Variants in MYL3 observed in about 807,000 individuals in gnomAD.
The protein encoded by MYL3 is CMLC1.
A neutral mutation model predicts 21.3 loss-of-function variants in MYL3; 11 were observed. That is an observed-to-expected ratio of 0.52 (90% confidence interval 0.32 to 0.85). MYL3 has a LOEUF of 0.85. MYL3 is among the 40% of genes least tolerant of loss of function. The pLI is 0.03. For missense variants in MYL3, 206 were observed against 253.3 expected (o/e 0.81, Z 1.27); for synonymous variants, 88 against 91.6 (o/e 0.96, Z 0.22).
chr3:46,858,436 C>T lies in MYL3; in HGVS notation c.507G>A (p.Val169=), dbSNP rs1166390418. ...TLGERLTEDE[V]EKLMAGQEDS... ...CCTCTTGCCCAGCCATCAACTTCTC[C>T]ACTTCGTCTTCTGTCAGCCTCTCAC... The change falls in exon 5 of 7, where the codon GTG becomes GTA. Residue 169 remains valine, a synonymous_variant. Coordinates refer to ENST00000292327, the MANE Select transcript of MYL3 (RefSeq NM_000258.3). 29 of 1,613,716 alleles carry T rather than the reference C, an allele frequency of 1.8e-5. No individual in the cohort carries two copies. Among genetic ancestry groups the T allele is most frequent in the African/African-American group, 2.7e-5 (2 of 74,886 alleles).
In MYL3 at chr3:46,879,421, A is replaced by T. The variant is rs191042553; in HGVS notation, c.-218+2653T>A. On this transcript the variant is annotated intron_variant, in intron 1 of 3. Transcript: ENST00000431168. The surrounding 1 kb of genome is among the most constrained non-coding windows in gnomAD (Gnocchi z 4.7). ...AGCAGGGTGGAAGATCAGTGGTCAC[A>T]GAACCATAAAACTTAGAGACACTTA... 6.6e-6 allele frequency among the ~76,000 whole-genome samples: 1 copy of T among 152,364 alleles called. No individual in the cohort carries two copies. Among genetic ancestry groups the T allele is most frequent in the African/African-American group, 2.4e-5 (1 of 41,578 alleles).
At chr3:46,881,631 T>C (rs2030572794) in intron 1 of MYL3, among the ~76,000 whole-genome samples, 1 of 151,300 alleles carries the variant, frequency 6.6e-6, no homozygotes, top group Non-Finnish European at 1.5e-5. Context: ...GATGTGTGGC[T>C]GCAGACCTGG....
At chr3:46,877,215 C>A (rs1031346306) in intron 1 of MYL3, among the ~76,000 whole-genome samples, 2 of 152,036 alleles carry the variant, frequency 1.3e-5, no homozygotes, top group Admixed American at 1.3e-4. Context: ...CCATCTCTTC[C>A]GTCTAGGAGC....
intron 1 of MYL3, among the ~76,000 whole-genome samples, chr3:46,862,237 C>G (rs1374619384): frequency 6.6e-6 from 1 of 152,204 alleles, no homozygotes; most frequent in Non-Finnish European, 1.5e-5. Context: ...AAGCCTGGGA[C>G]CTGGGTGGCC....
At chr3:46,876,739 G>A (rs1236862992) in intron 1 of MYL3, among the ~76,000 whole-genome samples, 1 of 152,210 alleles carries the variant, frequency 6.6e-6, no homozygotes, top group Non-Finnish European at 1.5e-5. Context: ...CAGGGCACTG[G>A]GGGCTACAGC....
At chr3:46,868,122 G>T (rs747168770), upstream of MYL3, among the ~76,000 whole-genome samples, 1 of 152,186 alleles carries the variant, frequency 6.6e-6, no homozygotes. Context: ...CAGCAAAGCC[G>T]CTCTGCCACT....
At chr3:46,873,954 C>G (rs2030045476) in intron 1 of MYL3, among the ~76,000 whole-genome samples, 2 of 152,158 alleles carry the variant, frequency 1.3e-5, no homozygotes, top group Admixed American at 1.3e-4. Flanking sequence ...TATGCCTAGC[C>G]ACCTCCCGTT....
intron 1 of MYL3, among the ~76,000 whole-genome samples, chr3:46,878,062 G>A (rs1438907360): frequency 6.6e-6 from 1 of 152,220 alleles, no homozygotes; most frequent in Non-Finnish European, 1.5e-5. Flanking sequence ...AGCTCCTTGG[G>A]AGCCTTAGGA....
Position 46,858,285 on chromosome 3 carries a change from G to A in MYL3, c.560-13C>T. ...TGCTTCACAAATGCTGGAAAGAAGA[G>A]GAGAGTGAGTGGCAGGAGTGCAACA... On this transcript the variant is annotated splice_polypyrimidine_tract_variant and intron_variant, in intron 5 of 6. Coordinates refer to ENST00000292327, the MANE Select transcript of MYL3 (RefSeq NM_000258.3). 1.9e-6 allele frequency: 3 copies of A among 1,614,198 alleles called. No homozygotes were observed. Among genetic ancestry groups the A allele is most frequent in the Non-Finnish European group, 2.5e-6 (3 of 1,180,034 alleles).
chr3:46,881,437 A>G (rs2030555379), intron 1 of MYL3, among the ~76,000 whole-genome samples: 2 of 151,562 alleles, frequency 1.3e-5, no homozygotes, highest in South Asian at 4.2e-4. Flanking sequence ...AGCTTTTGGG[A>G]GTGGGGGTGG....
rs2030132922 is a variant in MYL3 at position 46,874,922 on chromosome 3, C to A, written c.-218+7152G>T. Among the ~76,000 whole-genome samples the A allele has an allele frequency of 1.3e-5, 2 of 152,148 alleles. No individual in the cohort carries two copies. The highest frequency in any genetic ancestry group is 2.1e-4 in the South Asian group (1 of 4,828). ...GATGAAAGGGGATCTGGTGGGGAGG[C>A]CTTTCTCCTACCCCACTCCCCGCCA... On this transcript the variant is annotated intron_variant, in intron 1 of 3. Coordinates refer to the MYL3 transcript ENST00000431168. The surrounding 1 kb of genome is among the most constrained non-coding windows in gnomAD (Gnocchi z 4.1).
rs1439756008 is a variant in MYL3 at position 46,874,041 on chromosome 3, C to G, written c.-217-7441G>C. 6.6e-6 allele frequency among the ~76,000 whole-genome samples: 1 copy of G among 152,250 alleles called. No individual in the cohort carries two copies. The highest frequency in any genetic ancestry group is 1.9e-4 in the East Asian group (1 of 5,206). On this transcript the variant is annotated intron_variant, in intron 1 of 3. Transcript: ENST00000431168. The surrounding 1 kb of genome is among the most constrained non-coding windows in gnomAD (Gnocchi z 4.1). Reference sequence around the variant, plus strand: ...CTTCGGCCTCTTCCAAAGAGGCTCACCTCAGAGGGCACGGGTGTCGGAAGG... The same window carrying G: ...CTTCGGCCTCTTCCAAAGAGGCTCAGCTCAGAGGGCACGGGTGTCGGAAGG...
rs181915774 is a variant in MYL3 at position 46,878,461 on chromosome 3, G to T, written c.-218+3613C>A. On this transcript the variant is annotated intron_variant, in intron 1 of 3. Coordinates refer to the MYL3 transcript ENST00000431168. ...GGGATAAGAACTCAGCCTGAGGCTG[G>T]GGCTCATGATGGAGATAGAGCTCAG... 1.0e-3 allele frequency among the ~76,000 whole-genome samples: 158 copies of T among 152,322 alleles called. 1 individual carries two copies. The highest frequency in any genetic ancestry group is 3.7e-3 in the African/African-American group (154 of 41,570).
chr3:46,863,921 G>A (rs1026045552), upstream of MYL3, among the ~76,000 whole-genome samples: 6 of 152,098 alleles, frequency 3.9e-5, no homozygotes, highest in African/African-American at 1.4e-4. Flanking sequence ...CCATGTGGGG[G>A]AAGGCGGAAG....
At chr3:46,867,634 C>T (rs1361488909), upstream of MYL3, among the ~76,000 whole-genome samples, 1 of 152,254 alleles carries the variant, frequency 6.6e-6, no homozygotes, top group Non-Finnish European at 1.5e-5. Context: ...GCCGCAGTCT[C>T]CGCAGGCAGC....
At chr3:46,858,496 G>A (rs748214277) in intron 4 of MYL3, 35 bp from the exon 5 acceptor site, 22 of 1,603,514 alleles carry the variant, frequency 1.4e-5, no homozygotes, top group South Asian at 3.3e-5. Context: ...AGCACCGTGC[G>A]TGCAGAGGCA....
chr3:46,877,605 C>G (rs2030302096), intron 1 of MYL3: 1 of 152,228 alleles, frequency 6.6e-6, no homozygotes, highest in Non-Finnish European at 1.5e-5. Context: ...TCTGTTGCCT[C>G]CTACTCCTGA....
chr3:46,866,600 C>G (rs991799429), upstream of MYL3: 1 of 152,266 alleles, frequency 6.6e-6, no homozygotes, highest in African/African-American at 2.4e-5. Flanking sequence ...TTTCCCAGGA[C>G]CTGGTACACC....
At chr3:46,867,680 T>C (rs981080070), upstream of MYL3, among the ~76,000 whole-genome samples, 2 of 152,222 alleles carry the variant, frequency 1.3e-5, no homozygotes, top group Admixed American at 6.5e-5. Context: ...CCGCCCCTCC[T>C]GGCCCACAGC....
Sources: gnomAD v4.1 joint callset for allele counts (sites outside exome capture counted in the v4.1 genomes callset) on GRCh38, gnomAD v4.1.1 for gene constraint, Gnocchi (gnomAD v3.1) non-coding constraint, MANE v1.5 for transcripts, NCBI Gene and HGNC (gene_info 2026-07-23, HGNC 2026-07-21) for gene names.